The following MKX variants were observed in gnomAD, a reference collection of about 807,000 sequenced individuals.
MKX encodes homeobox protein Mohawk.
A neutral mutation model predicts 36.0 loss-of-function variants in MKX; 13 were observed. That is an observed-to-expected ratio of 0.36 (90% CI 0.24 to 0.57). The LOEUF is 0.57. Among genes scored for constraint, MKX ranks in the 20% least tolerant of loss-of-function variants. The probability of loss-of-function intolerance (pLI) is 0.79; values close to 1 mark genes in which losing one functional copy is unlikely to be tolerated. For missense variants in MKX, 458 were observed against 456.4 expected (o/e 1.00, Z -0.03); for synonymous variants, 176 against 178.3 (o/e 0.99, Z 0.10).
intron 5 of MKX, among the ~76,000 whole-genome samples, chr10:27,704,978 G>A (rs1185274760): frequency 2.0e-5 from 3 of 152,230 alleles, no homozygotes; most frequent in Admixed American, 6.5e-5. Flanking sequence ...ATAAAGAGCT[G>A]TTCAAATTAA....
intron 5 of MKX, among the ~76,000 whole-genome samples, chr10:27,695,965 T>C (rs189000697): frequency 7.9e-5 from 12 of 151,852 alleles, no homozygotes; most frequent in Admixed American, 7.2e-4. Flanking sequence ...TTAGTAGTTA[T>C]AAAGACACAG....
chr10:27,706,431 A>G (rs1046038998), intron 5 of MKX, among the ~76,000 whole-genome samples: 5 of 151,944 alleles, frequency 3.3e-5, no homozygotes, highest in Non-Finnish European at 7.4e-5. Flanking sequence ...TGTCAACTCT[A>G]TTTTTAATTT....
intron 5 of MKX, among the ~76,000 whole-genome samples, chr10:27,722,871 C>T (rs762618320): frequency 6.6e-6 from 1 of 152,060 alleles, no homozygotes; most frequent in African/African-American, 2.4e-5. Flanking sequence ...GGTCATATGC[C>T]TCTACGGTTC....
At chr10:27,687,069 C>T (rs188807943) in intron 5 of MKX, among the ~76,000 whole-genome samples, 103 of 151,336 alleles carry the variant, frequency 6.8e-4, no homozygotes, top group African/African-American at 2.5e-3. Context: ...CAGTGTGGCA[C>T]GATCTCGGTT....
rs141274637 is a variant in MKX, at chr10:27,725,085, T to G, written c.838+9371A>C. ...AGCTGCCAAAAACCGTTAGACTTAC[T>G]GTACAAAGGATCAGGATCACATCTC... On this transcript the variant is annotated intron_variant, in intron 5 of 6. Coordinates refer to ENST00000419761, the MANE Select transcript of MKX (RefSeq NM_173576.3). Among the ~76,000 whole-genome samples the G allele has an allele frequency of 4.4e-3, 671 of 152,314 alleles. 20 individuals carry two copies. Among genetic ancestry groups the G allele is most frequent in the Admixed American group, 0.039 (601 of 15,296 alleles).
Position 27,675,128 on chromosome 10 carries a change from G to T in MKX, c.*101C>A. On this transcript the variant is annotated 3_prime_UTR_variant, in exon 7 of 7. Transcript: ENST00000419761. The stretch of plus-strand genomic sequence containing the variant: ...TTGGGATAATTAAAAATAAGAAGAG[G>T]TTTGGGAGAGAGTCATTTTCATCCC... 1 of 1,114,118 alleles carries T rather than the reference G, an allele frequency of 9.0e-7. No homozygotes were observed. The highest frequency in any genetic ancestry group is 1.3e-6 in the Non-Finnish European group (1 of 774,934). 69.0% of individuals were successfully genotyped at this position (1,114,118 alleles called of 1,614,324 possible).
intron 5 of MKX, among the ~76,000 whole-genome samples, chr10:27,713,523 G>A (rs1428678124): frequency 6.6e-6 from 1 of 152,180 alleles, no homozygotes; most frequent in Non-Finnish European, 1.5e-5. Context: ...GCCTGAACCA[G>A]GAGCTTAGAG....
chr10:27,673,990 ATTC>A lies in MKX; in HGVS notation c.*1236_*1238del, dbSNP rs1379774733. On this transcript the variant is annotated 3_prime_UTR_variant, in exon 7 of 7. Coordinates refer to ENST00000419761, the MANE Select transcript of MKX (RefSeq NM_173576.3). ...GTTATATTTGGCATTTCCACTGCTT[ATTC>A]AAGTTTCAGGTCTTCCCAAGCTGAT... 6.6e-6 allele frequency: 1 copy of A among 152,118 alleles called. No individual in the cohort carries two copies. Among genetic ancestry groups the A allele is most frequent in the Non-Finnish European group, 1.5e-5 (1 of 68,004 alleles). 9.4% of individuals were successfully genotyped at this position (152,118 alleles called of 1,614,324 possible).
rs199711837 is a variant in MKX at position 27,682,992 on chromosome 10, AAAAAG to A, written c.839-7443_839-7439del. On this transcript the variant is annotated intron_variant, in intron 5 of 6. Coordinates refer to ENST00000419761, the MANE Select transcript of MKX (RefSeq NM_173576.3). ...GAGCTAGACTCGGTCTCGAAAAAAA[AAAAAG>A]AAAAGAAAAGAAAAGAAAAAGAAGC... Among the ~76,000 whole-genome samples the A allele has an allele frequency of 7.0e-3, 1,069 of 151,974 alleles. 12 individuals carry two copies. Among genetic ancestry groups the A allele is most frequent in the African/African-American group, 0.024 (979 of 41,450 alleles).
intron 5 of MKX, among the ~76,000 whole-genome samples, chr10:27,703,847 C>T (rs1021024497): frequency 1.3e-5 from 2 of 152,078 alleles, no homozygotes; most frequent in Non-Finnish European, 2.9e-5. Context: ...TTTCAGTGAG[C>T]CCAGATTGTA....
intron 5 of MKX, among the ~76,000 whole-genome samples, chr10:27,694,771 T>C (rs183211249): frequency 4.0e-5 from 6 of 151,102 alleles, no homozygotes; most frequent in Admixed American, 3.9e-4. Flanking sequence ...GAATGAGCAA[T>C]GAGAAACAGA....
intron 5 of MKX, among the ~76,000 whole-genome samples, chr10:27,729,318 G>C (rs1834568916): frequency 1.8e-5 from 2 of 112,698 alleles, no homozygotes. Context: ...TTTTGAGACA[G>C]AGTCTCATTC....
intron 5 of MKX, among the ~76,000 whole-genome samples, chr10:27,694,226 C>T (rs964716151): frequency 2.0e-5 from 3 of 151,958 alleles, no homozygotes; most frequent in Non-Finnish European, 4.4e-5. Context: ...ATACTCTTAC[C>T]AGTTTTAAAA....
At chr10:27,708,668 C>T (rs995109557) in intron 5 of MKX, among the ~76,000 whole-genome samples, 1 of 149,880 alleles carries the variant, frequency 6.7e-6, no homozygotes, top group Non-Finnish European at 1.5e-5. Context: ...GCAGAGGTTG[C>T]AGTGAGCCAG....
intron 5 of MKX, among the ~76,000 whole-genome samples, chr10:27,694,994 G>A (rs928748411): frequency 6.6e-6 from 1 of 151,710 alleles, no homozygotes; most frequent in African/African-American, 2.4e-5. Flanking sequence ...CCACTCAGAA[G>A]GTGGAAGCAA....
At chr10:27,712,944 AAAC>A (rs887182091) in intron 5 of MKX, among the ~76,000 whole-genome samples, 4 of 152,178 alleles carry the variant, frequency 2.6e-5, no homozygotes, top group African/African-American at 9.7e-5. Flanking sequence ...CTCTAAAAAA[AAAC>A]AACAATAATA....
intron 5 of MKX, among the ~76,000 whole-genome samples, chr10:27,676,723 C>T (rs1836159083): frequency 6.6e-6 from 1 of 152,194 alleles, no homozygotes; most frequent in Non-Finnish European, 1.5e-5. Flanking sequence ...ATAGTTCCCT[C>T]TGCTAGTTAG....
intron 5 of MKX, among the ~76,000 whole-genome samples, chr10:27,702,993 C>T (rs531638648): frequency 5.9e-5 from 9 of 152,174 alleles, no homozygotes; most frequent in East Asian, 1.9e-4. Context: ...CTTAGGCTTC[C>T]GAAAAGCTTC....
rs202170286 is a variant in MKX, at chr10:27,741,540, G to T, written c.189-36C>A. ...GGGAGAGGAGGCGGCCCTGGTGAGCGACGCGTTTGCCCGCCCGGACGCTCC... is the reference window on the plus strand; with the variant it reads ...GGGAGAGGAGGCGGCCCTGGTGAGCTACGCGTTTGCCCGCCCGGACGCTCC... On this transcript the variant is annotated intron_variant, in intron 2 of 6. Transcript: ENST00000419761. This position sits in a 1 kb window ranked among gnomAD's most constrained non-coding sequence, Gnocchi z 5.1. The T allele has an allele frequency of 2.6e-6, 4 of 1,535,924 alleles. No homozygotes were observed. The highest frequency in any genetic ancestry group is 1.2e-5 in the South Asian group (1 of 81,382).
Sources: gnomAD v4.1 joint callset for allele counts (sites outside exome capture counted in the v4.1 genomes callset) on GRCh38, gnomAD v4.1.1 for gene constraint, Gnocchi (gnomAD v3.1) non-coding constraint, MANE v1.5 for transcripts, NCBI Gene and HGNC (gene_info 2026-07-23, HGNC 2026-07-21) for gene names.